The following CDH13 variants were observed in gnomAD, a reference collection of about 807,000 sequenced individuals.
CDH13 encodes the protein cadherin 13.
A neutral mutation model predicts 63.8 loss-of-function variants in CDH13; 24 were observed. The observed-to-expected ratio is 0.38, with a 90% CI of 0.27 to 0.53. The LOEUF is 0.53. CDH13 is among the 20% of genes least tolerant of loss of function. The pLI is 0.85. For missense variants in CDH13, 1,049 were observed against 903.1 expected (o/e 1.16, Z -2.07); for synonymous variants, 503 against 355.3 (o/e 1.42, Z -4.67).
At chr16:83,645,134 A>T (rs57402436) in intron 8 of CDH13, among the ~76,000 whole-genome samples, 40,237 of 152,168 alleles carry the variant, frequency 0.26, 5,359 homozygotes, top group South Asian at 0.36. Flanking sequence ...TAGCAAGGTC[A>T]TGGAACCAAC....
At chr16:83,287,249 G>A (rs1164262634) in intron 5 of CDH13, among the ~76,000 whole-genome samples, 2 of 152,186 alleles carry the variant, frequency 1.3e-5, no homozygotes, top group Non-Finnish European at 2.9e-5. Flanking sequence ...GGGGCCAGCT[G>A]ATGAAGCCAG....
intron 1 of CDH13, among the ~76,000 whole-genome samples, chr16:82,735,639 C>G (rs1016904093): frequency 1.3e-5 from 2 of 152,170 alleles, no homozygotes; most frequent in African/African-American, 4.8e-5. Flanking sequence ...GACACAGTGT[C>G]TATGAGCTGT....
At chr16:83,183,474 G>C (rs2038412483) in intron 4 of CDH13, among the ~76,000 whole-genome samples, 1 of 152,226 alleles carries the variant, frequency 6.6e-6, no homozygotes, top group Non-Finnish European at 1.5e-5. Flanking sequence ...CTACACATGG[G>C]AATTGGGTAC....
At chr16:83,753,994 C>T (rs933547611) in intron 11 of CDH13, among the ~76,000 whole-genome samples, 1 of 151,560 alleles carries the variant, frequency 6.6e-6, no homozygotes, top group African/African-American at 2.4e-5. Flanking sequence ...AGGTGAGAGT[C>T]AGGCTTGGCC....
intron 7 of CDH13, among the ~76,000 whole-genome samples, chr16:83,560,929 G>A (rs796635798): frequency 3.3e-5 from 5 of 151,860 alleles, no homozygotes; most frequent in African/African-American, 1.2e-4. Context: ...GCTGAGGGTT[G>A]GGCAGATTAA....
intron 1 of CDH13, among the ~76,000 whole-genome samples, chr16:82,643,752 A>G (rs1909713364): frequency 6.6e-6 from 1 of 152,018 alleles, no homozygotes. Context: ...AGTGTTACTG[A>G]CTTTTTTTAA....
intron 5 of CDH13, among the ~76,000 whole-genome samples, chr16:83,224,223 C>T (rs1446293432): frequency 1.3e-5 from 2 of 152,232 alleles, no homozygotes; most frequent in Non-Finnish European, 2.9e-5. Context: ...TATGTATACA[C>T]ACACCACAGT....
Position 83,374,013 on chromosome 16 carries a change from C to T in CDH13, c.781+29007C>T, listed in dbSNP as rs144598134. 7.8e-3 allele frequency among the ~76,000 whole-genome samples: 1,195 copies of T among 152,304 alleles called. 9 individuals carry two copies. The highest frequency in any genetic ancestry group is 0.012 in the Non-Finnish European group (799 of 68,028). ...AGGAAGTCGAAGGTCTTTCTCTATT[C>T]AGGCCAGCCTCTAAGGACAGAGGGG... On this transcript the variant is annotated intron_variant, in intron 6 of 13. Coordinates refer to ENST00000567109, the MANE Select transcript of CDH13 (RefSeq NM_001257.5).
At chr16:83,087,500 T>A (rs1414768999) in intron 3 of CDH13, among the ~76,000 whole-genome samples, 2 of 151,748 alleles carry the variant, frequency 1.3e-5, no homozygotes. Flanking sequence ...AAACCCTGTG[T>A]CTACTAAAAA....
At chr16:83,529,056 T>C (rs1166230710) in intron 7 of CDH13, among the ~76,000 whole-genome samples, 1 of 151,612 alleles carries the variant, frequency 6.6e-6, no homozygotes, top group East Asian at 1.9e-4. Context: ...ATGGAGGTCA[T>C]TCCACCCAAA....
intron 7 of CDH13, among the ~76,000 whole-genome samples, chr16:83,490,028 C>CACAG (rs2073975794): frequency 6.7e-6 from 1 of 148,450 alleles, no homozygotes; most frequent in Non-Finnish European, 1.5e-5. Flanking sequence ...CACACACACA[C>CACAG]ACACACACAC....
chr16:83,062,045 C>CT (rs966803533), intron 3 of CDH13, among the ~76,000 whole-genome samples: 3 of 152,324 alleles, frequency 2.0e-5, no homozygotes, highest in Admixed American at 2.0e-4. Flanking sequence ...AAAACGGATG[C>CT]TATCAGGATG....
At chr16:82,954,301 G>T (rs1308213428) in intron 2 of CDH13, 3 of 152,238 alleles carry the variant, frequency 2.0e-5, no homozygotes, top group East Asian at 3.9e-4. Context: ...GGAACTTCCA[G>T]TTCACCCTGT....
chr16:82,686,847 A>G lies in CDH13; in HGVS notation c.45+59710A>G, dbSNP rs117405863. On this transcript the variant is annotated intron_variant, in intron 1 of 13. Transcript: ENST00000567109. ...CCATAACACCCCCACCATGTGGAAC[A>G]ACACAGGGAACACGACTTCTTACTC... Among the ~76,000 whole-genome samples the G allele has an allele frequency of 5.0e-3, 768 of 152,336 alleles. 1 individual carries two copies. Among genetic ancestry groups the G allele is most frequent in the Non-Finnish European group, 8.9e-3 (605 of 68,032 alleles).
chr16:82,956,360 T>C (rs902708594), intron 2 of CDH13, among the ~76,000 whole-genome samples: 8 of 134,202 alleles, frequency 6.0e-5, no homozygotes, highest in African/African-American at 2.4e-4. Context: ...GTCTTTAATA[T>C]CTAATTTCTG....
chr16:83,031,601 C>T (rs1916357422), intron 2 of CDH13, among the ~76,000 whole-genome samples: 1 of 152,090 alleles, frequency 6.6e-6, no homozygotes, highest in African/African-American at 2.4e-5. Context: ...TCCTACTTAT[C>T]TTCAATACCC....
chr16:82,718,959 G>C (rs146633969), intron 1 of CDH13, among the ~76,000 whole-genome samples: 47 of 152,328 alleles, frequency 3.1e-4, no homozygotes, highest in Non-Finnish European at 5.6e-4. Flanking sequence ...GTGCGTGTTG[G>C]ATGCATGTGG....
intron 6 of CDH13, among the ~76,000 whole-genome samples, chr16:83,393,535 C>T (rs893394418): frequency 7.2e-5 from 11 of 152,196 alleles, no homozygotes; most frequent in African/African-American, 2.7e-4. Flanking sequence ...GGAACCAGGG[C>T]AGCTGCTAAG....
chr16:83,487,018 G>A (rs1487381229), intron 7 of CDH13, among the ~76,000 whole-genome samples: 1 of 152,106 alleles, frequency 6.6e-6, no homozygotes, highest in Non-Finnish European at 1.5e-5. Context: ...AGGAGAGGTG[G>A]CTTCATCCAA....
Sources: gnomAD v4.1 joint callset for allele counts (sites outside exome capture counted in the v4.1 genomes callset) on GRCh38, gnomAD v4.1.1 for gene constraint, MANE v1.5 for transcripts, NCBI Gene and HGNC (gene_info 2026-07-23, HGNC 2026-07-21) for gene names.